The following PCDHA11 variants were observed in gnomAD, a reference collection of about 807,000 sequenced individuals.
The protein encoded by PCDHA11 is protocadherin alpha 11.
In PCDHA11, 61 loss-of-function variants were observed where a neutral mutation model predicts 70.3. That is an observed-to-expected ratio of 0.87 (90% CI 0.71 to 1.07). The LOEUF (loss-of-function observed/expected upper bound fraction) is 1.07. Ranked by LOEUF, PCDHA11 falls within the 50% of genes least tolerant of loss-of-function variation. The probability of loss-of-function intolerance (pLI) is 0.00; values close to 1 mark genes in which losing one functional copy is unlikely to be tolerated. For missense variants in PCDHA11, 1,324 were observed against 1,237.5 expected (o/e 1.07, Z -1.05); for synonymous variants, 633 against 555.1 (o/e 1.14, Z -1.97).
chr5:140,997,668 T>TTGTGTGTG lies in PCDHA11; in HGVS notation c.2540-11937_2540-11930dup, dbSNP rs35184029. 2.7e-3 allele frequency among the ~76,000 whole-genome samples: 400 copies of TTGTGTGTG among 148,342 alleles called. 5 individuals carry two copies. The East Asian group carries it at 0.038, about 14-fold the overall frequency. The stretch of plus-strand genomic sequence containing the variant: ...AATGCAATATGTATTATTATACAGC[T>TTGTGTGTG]TGTGTGTGTGTGTGTGTGTGTGTGT... On this transcript the variant is annotated intron_variant, in intron 3 of 3. Transcript: ENST00000398640.
chr5:140,900,734 G>C (rs2068260899), intron 1 of PCDHA11, among the ~76,000 whole-genome samples: 1 of 152,200 alleles, frequency 6.6e-6, no homozygotes, highest in African/African-American at 2.4e-5. Flanking sequence ...CTAGCAGTGG[G>C]ATTTCTGGAT....
chr5:140,981,459 A>C (rs1267670163), intron 2 of PCDHA11, among the ~76,000 whole-genome samples: 1 of 152,176 alleles, frequency 6.6e-6, no homozygotes, highest in Non-Finnish European at 1.5e-5. Context: ...CTGTAGTCCC[A>C]GCTACTTGGG....
At chr5:140,932,709 A>G (rs2088560759) in intron 1 of PCDHA11, among the ~76,000 whole-genome samples, 1 of 151,956 alleles carries the variant, frequency 6.6e-6, no homozygotes, top group African/African-American at 2.4e-5. Context: ...TATAGACAAC[A>G]CAATAATATT....
At chr5:140,925,971 A>C (rs2082843743) in intron 1 of PCDHA11, among the ~76,000 whole-genome samples, 1 of 152,190 alleles carries the variant, frequency 6.6e-6, no homozygotes, top group African/African-American at 2.4e-5. Flanking sequence ...ACGCAAAAAA[A>C]AAGCCTTGAG....
Position 140,870,393 on chromosome 5 carries a change from T to C in PCDHA11, c.1290T>C (p.Gly430=), listed in dbSNP as rs1554164195. 1.5e-5 allele frequency: 24 copies of C among 1,613,936 alleles called. No homozygotes were observed. Among genetic ancestry groups the C allele is most frequent in the Non-Finnish European group, 1.8e-5 (21 of 1,179,956 alleles). Reference sequence around the variant, plus strand: ...TGGTGGTGACTGCGCGGGATGGGGGTTCGCCTTCTCTGTGGGCCACGGCCA... The same window carrying C: ...TGGTGGTGACTGCGCGGGATGGGGGCTCGCCTTCTCTGTGGGCCACGGCCA... ...YELVVTARDG[G]SPSLWATARV... The change falls in exon 1 of 4, where the codon GGT becomes GGC. Residue 430 remains glycine, a synonymous_variant. Transcript: ENST00000398640.
At chr5:140,922,437 T>C (rs1462386336) in intron 1 of PCDHA11, among the ~76,000 whole-genome samples, 1 of 152,194 alleles carries the variant, frequency 6.6e-6, no homozygotes, top group African/African-American at 2.4e-5. Flanking sequence ...GGCAGAACTC[T>C]CTCATTATCC....
chr5:140,917,154 T>C (rs1415714785), intron 1 of PCDHA11, among the ~76,000 whole-genome samples: 2 of 152,112 alleles, frequency 1.3e-5, no homozygotes, highest in East Asian at 1.9e-4. Flanking sequence ...TGCTGGGGGA[T>C]ATGGGAGGGG....
intron 1 of PCDHA11, among the ~76,000 whole-genome samples, chr5:140,970,958 C>T (rs1554232904): frequency 6.6e-6 from 1 of 152,106 alleles, no homozygotes; most frequent in Non-Finnish European, 1.5e-5. Context: ...CCATGGGAGG[C>T]AGATTGTAGA....
At chr5:140,957,397 A>C (rs553656426) in intron 1 of PCDHA11, among the ~76,000 whole-genome samples, 1 of 152,282 alleles carries the variant, frequency 6.6e-6, no homozygotes, top group South Asian at 2.1e-4. Context: ...AATTGTCCTA[A>C]TTTATTATTA....
intron 1 of PCDHA11, chr5:140,967,436 C>A (rs781894469): frequency 1.2e-6 from 2 of 1,613,378 alleles, no homozygotes; most frequent in Non-Finnish European, 8.5e-7. Flanking sequence ...AGCCTTGCAC[C>A]ACCTGGTTCT....
intron 1 of PCDHA11, chr5:140,876,290 T>C: frequency 6.2e-7 from 1 of 1,614,074 alleles, no homozygotes; most frequent in Non-Finnish European, 8.5e-7. Flanking sequence ...GACGAAGGAC[T>C]TAATGGAGAA....
chr5:140,900,309 C>T (rs1183008231), intron 1 of PCDHA11, among the ~76,000 whole-genome samples: 1 of 151,686 alleles, frequency 6.6e-6, no homozygotes, highest in Non-Finnish European at 1.5e-5. Context: ...GACAGTCTCA[C>T]TTTTGTCGCC....
At chr5:140,995,025 C>A (rs1304675289) in intron 3 of PCDHA11, among the ~76,000 whole-genome samples, 1 of 152,146 alleles carries the variant, frequency 6.6e-6, no homozygotes, top group Non-Finnish European at 1.5e-5. Context: ...AAAGAAGATT[C>A]TTTTAAGTTT....
At chr5:141,007,749 T>C (rs2098343750) in intron 3 of PCDHA11, among the ~76,000 whole-genome samples, 2 of 152,334 alleles carry the variant, frequency 1.3e-5, no homozygotes, top group South Asian at 4.1e-4. Flanking sequence ...AAGATAACTT[T>C]GGACTCTTAT....
chr5:140,965,326 A>T (rs184855153), intron 1 of PCDHA11, among the ~76,000 whole-genome samples: 1 of 152,298 alleles, frequency 6.6e-6, no homozygotes, highest in African/African-American at 2.4e-5. Context: ...TACTGAAGTG[A>T]ATTTGTTGTC....
intron 1 of PCDHA11, among the ~76,000 whole-genome samples, chr5:140,946,755 A>G (rs1554217843): frequency 3.3e-5 from 5 of 151,400 alleles, no homozygotes. Context: ...ATACTGCATG[A>G]TCTCATTCAT....
chr5:140,883,065 C>G, intron 1 of PCDHA11: 1 of 1,614,056 alleles, frequency 6.2e-7, no homozygotes, highest in Non-Finnish European at 8.5e-7. Context: ...AAGCTAAATG[C>G]CACAGATCCT....
intron 1 of PCDHA11, among the ~76,000 whole-genome samples, chr5:140,908,387 T>A (rs536105622): frequency 1.3e-5 from 2 of 152,230 alleles, no homozygotes; most frequent in Admixed American, 1.3e-4. Flanking sequence ...TCGAGCCCGA[T>A]CACATATATA....
chr5:140,870,414 G>T lies in PCDHA11; in HGVS notation c.1311G>T (p.Thr437=). ...GGGGTTCGCCTTCTCTGTGGGCCAC[G>T]GCCAGGGTATCCGTGGAGGTGGCCG... ...RDGGSPSLWA[T]ARVSVEVADV... Residue 437 remains threonine (T), a synonymous_variant, in exon 1 of 4, where the codon ACG becomes ACT. Transcript: ENST00000398640. 6.2e-7 allele frequency: 1 copy of T among 1,614,230 alleles called. No individual in the cohort carries two copies. The highest frequency in any genetic ancestry group is 8.5e-7 in the Non-Finnish European group (1 of 1,180,046).
Sources: gnomAD v4.1 joint callset for allele counts (sites outside exome capture counted in the v4.1 genomes callset) on GRCh38, gnomAD v4.1.1 for gene constraint, MANE v1.5 for transcripts, NCBI Gene and HGNC (gene_info 2026-07-23, HGNC 2026-07-21) for gene names.